The following AKR1D1 variants were observed in gnomAD, a reference collection of about 807,000 sequenced individuals.
The protein encoded by AKR1D1 is aldo-keto reductase family 1 member D1.
A neutral mutation model predicts 42.6 loss-of-function variants in AKR1D1; 32 were observed. The ratio of observed to expected loss-of-function variants is 0.75; its 90% confidence interval spans 0.57 to 1.01. The LOEUF (loss-of-function observed/expected upper bound fraction) is 1.01, where lower values mean the gene tolerates loss of function less well. AKR1D1 is among the 50% of genes least tolerant of loss of function. AKR1D1 has a pLI of 0.00. For synonymous variants in AKR1D1, 123 were observed against 135.5 expected (o/e 0.91, Z 0.64); for missense variants, 364 against 402.2 (o/e 0.91, Z 0.81).
intron 8 of AKR1D1, among the ~76,000 whole-genome samples, chr7:138,114,449 C>T (rs145594825): frequency 2.0e-5 from 3 of 152,068 alleles, no homozygotes; most frequent in African/African-American, 7.2e-5. Flanking sequence ...CACCTTAGGT[C>T]GGGAGTTAGA....
intron 5 of AKR1D1, among the ~76,000 whole-genome samples, chr7:138,105,907 A>AC (rs1242368252): frequency 0.019 from 2,865 of 151,536 alleles, 86 homozygotes; most frequent in African/African-American, 0.063. Context: ...ACAACAAAAA[A>AC]AAATCTAATG....
chr7:138,097,099 C>T (rs1158403772), intron 3 of AKR1D1, among the ~76,000 whole-genome samples: 3 of 152,116 alleles, frequency 2.0e-5, no homozygotes, highest in African/African-American at 7.2e-5. Context: ...TTTGATTTCT[C>T]CCTCTCCCTC....
At chr7:138,098,471 G>A (rs887417922) in intron 4 of AKR1D1, among the ~76,000 whole-genome samples, 6 of 151,992 alleles carry the variant, frequency 3.9e-5, no homozygotes, top group Non-Finnish European at 5.9e-5. Context: ...TTAGCCAGGC[G>A]TGGTGGTGGG....
At chr7:138,098,248 T>A in intron 4 of AKR1D1, 2 of 255,734 alleles carry the variant, frequency 7.8e-6, no homozygotes, top group Non-Finnish European at 1.5e-5. Context: ...AATTCACAAA[T>A]CAAAAAATAT....
chr7:138,106,336 A>C (rs1482933056), intron 5 of AKR1D1, among the ~76,000 whole-genome samples: 2 of 152,232 alleles, frequency 1.3e-5, no homozygotes, highest in African/African-American at 4.8e-5. Flanking sequence ...AAAAAAATGG[A>C]AACAACATAA....
intron 1 of AKR1D1, among the ~76,000 whole-genome samples, chr7:138,087,561 C>T (rs967331217): frequency 1.7e-4 from 26 of 152,240 alleles, no homozygotes; most frequent in African/African-American, 5.5e-4. Flanking sequence ...ATATAATAAA[C>T]TGTCCATATT....
At chr7:138,110,731 T>G (rs1794521011) in intron 7 of AKR1D1, among the ~76,000 whole-genome samples, 1 of 152,222 alleles carries the variant, frequency 6.6e-6, no homozygotes, top group East Asian at 1.9e-4. Flanking sequence ...CCAGCCTGGA[T>G]GACAAGAGTG....
At chr7:138,092,638 T>G (rs1469815681) in intron 3 of AKR1D1, among the ~76,000 whole-genome samples, 1 of 152,236 alleles carries the variant, frequency 6.6e-6, no homozygotes, top group African/African-American at 2.4e-5. Flanking sequence ...TTAGGCTAGA[T>G]AGCCCAGCCG....
intron 3 of AKR1D1, among the ~76,000 whole-genome samples, chr7:138,092,549 T>C (rs1794104784): frequency 6.6e-6 from 1 of 152,228 alleles, no homozygotes; most frequent in South Asian, 2.1e-4. Flanking sequence ...TTATTTACCA[T>C]GGTAGACTGC....
Position 138,091,251 on chromosome 7 carries a change from G to A in AKR1D1, c.262-517G>A, listed in dbSNP as rs141992248. On this transcript the variant is annotated intron_variant, in intron 2 of 8. Coordinates refer to ENST00000242375, the MANE Select transcript of AKR1D1 (RefSeq NM_005989.4). ...CTGGAGATGTGAGGGTGATCTGGCT[G>A]TAACATATGTCACCCCATTAGTCAC... 542 of 170,402 alleles carry A rather than the reference G, an allele frequency of 3.2e-3. 3 individuals are homozygous for A. Among genetic ancestry groups the A allele is most frequent in the African/African-American group, 0.012 (512 of 41,816 alleles). 10.6% of individuals were successfully genotyped at this position (170,402 alleles called of 1,614,324 possible).
intron 4 of AKR1D1, 127 bp downstream of exon 4, chr7:138,098,070 C>T: frequency 1.3e-6 from 1 of 775,456 alleles, no homozygotes; most frequent in East Asian, 2.5e-5. Flanking sequence ...TCAGAACAGG[C>T]ATTCCTAACC....
chr7:138,096,370 C>T (rs1794183826), intron 3 of AKR1D1, among the ~76,000 whole-genome samples: 1 of 152,098 alleles, frequency 6.6e-6, no homozygotes, highest in Admixed American at 6.5e-5. Flanking sequence ...AGTACCAGCA[C>T]CTCACTAGAG....
Position 138,113,752 on chromosome 7 carries a change from C to T in AKR1D1, c.918C>T (p.Val306=), listed in dbSNP as rs115194708. 1.2e-6 allele frequency: 2 copies of T among 1,614,064 alleles called. No individual in the cohort carries two copies. The highest frequency in any genetic ancestry group is 4.5e-5 in the East Asian group (2 of 44,882). The change falls in exon 8 of 9, where the codon GTC becomes GTT. Residue 306 remains valine (V), a synonymous_variant. Coordinates refer to ENST00000242375, the MANE Select transcript of AKR1D1 (RefSeq NM_005989.4). ...MKDIEALNKN[V]RFVELLMWRD... ...ACATTGAAGCCTTGAATAAAAATGTCCGCTTTGTAGAATTGCTCATGTAAG... is the reference window on the plus strand; with the variant it reads ...ACATTGAAGCCTTGAATAAAAATGTTCGCTTTGTAGAATTGCTCATGTAAG...
intron 1 of AKR1D1, among the ~76,000 whole-genome samples, chr7:138,084,487 G>T (rs1166289391): frequency 6.6e-6 from 1 of 151,822 alleles, no homozygotes; most frequent in Non-Finnish European, 1.5e-5. Context: ...CCAAAGCGCT[G>T]GGATTACAGG....
intron 4 of AKR1D1, among the ~76,000 whole-genome samples, chr7:138,099,760 GGGAGGCTGAGGCT>G (rs1320557479): frequency 6.6e-6 from 1 of 151,792 alleles, no homozygotes; most frequent in Non-Finnish European, 1.5e-5. Flanking sequence ...CCAATGCTTT[GGGAGGCTGAGGCT>G]GGAGGATCAC....
chr7:138,089,206 C>T (rs1220289401), intron 2 of AKR1D1, among the ~76,000 whole-genome samples: 1 of 151,798 alleles, frequency 6.6e-6, no homozygotes, highest in Non-Finnish European at 1.5e-5. Flanking sequence ...CAAAAATTAG[C>T]CAGGCATGGT....
chr7:138,088,098 C>T, intron 1 of AKR1D1, among the ~76,000 whole-genome samples: 1 of 151,960 alleles, frequency 6.6e-6, no homozygotes, highest in Non-Finnish European at 1.5e-5. Context: ...CCTATGTTGC[C>T]CAGGCTGGTC....
chr7:138,104,923 T>A (rs763619684), intron 4 of AKR1D1, among the ~76,000 whole-genome samples: 49 of 151,992 alleles, frequency 3.2e-4, no homozygotes, highest in Non-Finnish European at 4.7e-4. Context: ...CCATGCCTAG[T>A]TAATTCTTGA....
chr7:138,111,637 G>A (rs1324745668), intron 7 of AKR1D1, among the ~76,000 whole-genome samples: 2 of 151,774 alleles, frequency 1.3e-5, no homozygotes, highest in Admixed American at 6.6e-5. Flanking sequence ...TGTGCCATGG[G>A]AGAAAAAAAA....
Sources: gnomAD v4.1 joint callset for allele counts (sites outside exome capture counted in the v4.1 genomes callset) on GRCh38, gnomAD v4.1.1 for gene constraint, MANE v1.5 for transcripts, NCBI Gene and HGNC (gene_info 2026-07-23, HGNC 2026-07-21) for gene names.